The following LHFPL2 variants were observed in gnomAD, a reference collection of about 807,000 sequenced individuals.
LHFPL2 encodes LHFPL tetraspan subfamily member 2 protein.
A neutral mutation model predicts 17.5 loss-of-function variants in LHFPL2; 7 were observed. The observed-to-expected ratio is 0.40, with a 90% CI of 0.23 to 0.75. The LOEUF (loss-of-function observed/expected upper bound fraction) is 0.75, where lower values mean the gene tolerates loss of function less well. Ranked by LOEUF, LHFPL2 falls within the 30% of genes least tolerant of loss-of-function variation. The pLI is 0.37. For synonymous variants in LHFPL2, 134 were observed against 116.2 expected (o/e 1.15, Z -0.99); for missense variants, 241 against 294.8 (o/e 0.82, Z 1.34).
In LHFPL2 at chr5:78,487,087, AATCACAGGATTTACATCTCAC is replaced by A. The variant is rs1464050822; in HGVS notation, c.*1789_*1809del. On this transcript the variant is annotated 3_prime_UTR_variant, in exon 5 of 5. Transcript: ENST00000380345. ...AGATACCCGTTTTTTTCTTCACCAA[AATCACAGGATTTACATCTCAC>A]TCACTTTGAATTTTGGTTCAGGAAT... 1 of 152,116 alleles carries A rather than the reference AATCACAGGATTTACATCTCAC, an allele frequency of 6.6e-6. No individual in the cohort carries two copies. 9.4% of individuals were successfully genotyped at this position (152,116 alleles called of 1,614,324 possible).
At chr5:78,516,913 G>C (rs906042304) in intron 3 of LHFPL2, among the ~76,000 whole-genome samples, 1 of 152,084 alleles carries the variant, frequency 6.6e-6, no homozygotes, top group Non-Finnish European at 1.5e-5. Flanking sequence ...GCAAAATGGG[G>C]CTCCCCATTC....
chr5:78,578,127 G>A (rs1580823488), intron 2 of LHFPL2, among the ~76,000 whole-genome samples: 1 of 152,296 alleles, frequency 6.6e-6, no homozygotes, highest in Non-Finnish European at 1.5e-5. Flanking sequence ...CATTTCTTAG[G>A]AACTTGGACA....
At chr5:78,644,336 CT>C in intron 1 of LHFPL2, 15 of 1,239,590 alleles carry the variant, frequency 1.2e-5, no homozygotes, top group Non-Finnish European at 1.6e-5. Context: ...TGACAACTCA[CT>C]TTTTTGCTGC....
Position 78,489,044 on chromosome 5 carries a change from G to A in LHFPL2, c.540C>T (p.Ser180=), listed in dbSNP as rs1454486043. The change falls in exon 5 of 5, where the codon TCC becomes TCT. Residue 180 remains serine (S), a synonymous_variant. Coordinates refer to ENST00000380345, the MANE Select transcript of LHFPL2 (RefSeq NM_005779.3). ...TGGCGGTATAAAAGGCCCAGCCCAAGGAGCAGTCTCCAGGTTTGTAGGCAG... is the reference window on the plus strand; with the variant it reads ...TGGCGGTATAAAAGGCCCAGCCCAAAGAGCAGTCTCCAGGTTTGTAGGCAG... ...YASAYKPGDC[S]LGWAFYTAIG... is the part of the protein sequence containing the mutation. The A allele has an allele frequency of 1.2e-6, 2 of 1,614,124 alleles. No individual in the cohort carries two copies. Among genetic ancestry groups the A allele is most frequent in the East Asian group, 4.5e-5 (2 of 44,892 alleles).
chr5:78,529,840 A>G (rs1755729170), intron 3 of LHFPL2, among the ~76,000 whole-genome samples: 1 of 152,252 alleles, frequency 6.6e-6, no homozygotes, highest in Non-Finnish European at 1.5e-5. Flanking sequence ...AATCATACCC[A>G]CAAAATGTTT....
chr5:78,609,548 G>T (rs915752431), intron 2 of LHFPL2, among the ~76,000 whole-genome samples: 3 of 151,242 alleles, frequency 2.0e-5, no homozygotes, highest in African/African-American at 7.3e-5. Context: ...TAAAAATGAG[G>T]TGTCTCTAAA....
At chr5:78,630,722 C>G (rs1451816889) in intron 2 of LHFPL2, among the ~76,000 whole-genome samples, 2 of 152,132 alleles carry the variant, frequency 1.3e-5, no homozygotes, top group Non-Finnish European at 2.9e-5. Flanking sequence ...CACACAGAAA[C>G]CAGAAGACAA....
chr5:78,580,757 G>A (rs1743098703), intron 2 of LHFPL2, among the ~76,000 whole-genome samples: 1 of 152,156 alleles, frequency 6.6e-6, no homozygotes, highest in African/African-American at 2.4e-5. Flanking sequence ...TAGCCTTGTA[G>A]TATAGTTTGA....
At chr5:78,523,114 GT>G (rs1755508592) in intron 3 of LHFPL2, among the ~76,000 whole-genome samples, 2 of 62,702 alleles carry the variant, frequency 3.2e-5, no homozygotes, top group Non-Finnish European at 6.6e-5. Flanking sequence ...TGTCTGTGGT[GT>G]GTGTGTGTGT....
intron 3 of LHFPL2, among the ~76,000 whole-genome samples, chr5:78,539,305 A>G (rs1049214125): frequency 3.3e-5 from 5 of 152,224 alleles, no homozygotes; most frequent in Non-Finnish European, 7.3e-5. Flanking sequence ...TGTGAGAAAT[A>G]AATGTCTGTT....
intron 2 of LHFPL2, among the ~76,000 whole-genome samples, chr5:78,595,931 G>A (rs1315057312): frequency 1.3e-5 from 2 of 152,170 alleles, no homozygotes; most frequent in South Asian, 2.1e-4. Flanking sequence ...TGGTAAAGGG[G>A]AGTCCAAGAG....
At chr5:78,489,247 G>A in intron 4 of LHFPL2, 94 bp from the exon 5 acceptor site, 1 of 1,423,816 alleles carries the variant, frequency 7.0e-7, no homozygotes, top group Non-Finnish European at 9.7e-7. Context: ...CTTGCTTTGG[G>A]CAAGGGCATC....
chr5:78,514,600 T>A (rs991376394), intron 3 of LHFPL2, among the ~76,000 whole-genome samples: 5 of 152,148 alleles, frequency 3.3e-5, no homozygotes, highest in African/African-American at 1.2e-4. Context: ...AGAAAGTGTA[T>A]GTGAAGCCAG....
chr5:78,609,862 C>A (rs376296228), intron 2 of LHFPL2, among the ~76,000 whole-genome samples: 1 of 150,310 alleles, frequency 6.7e-6, no homozygotes, highest in African/African-American at 2.4e-5. Context: ...AAAAAAAATT[C>A]TTTTTGTGGA....
intron 2 of LHFPL2, among the ~76,000 whole-genome samples, chr5:78,604,875 C>T (rs946569628): frequency 3.9e-5 from 6 of 152,174 alleles, no homozygotes; most frequent in Admixed American, 2.0e-4. Flanking sequence ...CTCTCTAAAT[C>T]CCTTCTACTT....
At position 78,510,106 on chromosome 5, in the gene LHFPL2, C is replaced by G; in HGVS notation, c.108G>C (p.Gly36=). The G allele has an allele frequency of 1.2e-6, 2 of 1,613,206 alleles. No homozygotes were observed. Among genetic ancestry groups the G allele is most frequent in the Non-Finnish European group, 1.7e-6 (2 of 1,179,560 alleles). Residue 36 remains glycine, a synonymous_variant, in exon 4 of 5, where the codon GGG becomes GGC. Coordinates refer to ENST00000380345, the MANE Select transcript of LHFPL2 (RefSeq NM_005779.3). Reference sequence around the variant, plus strand: ...CCACGCCGCCGCGGCTCCTCGCTTTCCCGATCAGCCAGTCTGCACTCATGA... The same window carrying G: ...CCACGCCGCCGCGGCTCCTCGCTTTGCCGATCAGCCAGTCTGCACTCATGA... ...IAFMSADWLI[G]KARSRGGVEP...
At chr5:78,549,100 C>T (rs1197483712) in intron 3 of LHFPL2, 1 of 152,220 alleles carries the variant, frequency 6.6e-6, no homozygotes, top group Non-Finnish European at 1.5e-5. Context: ...CTCACGATGG[C>T]TTTCAGCTAG....
chr5:78,536,191 C>T (rs959101267), intron 3 of LHFPL2, among the ~76,000 whole-genome samples: 2 of 152,142 alleles, frequency 1.3e-5, no homozygotes, highest in African/African-American at 2.4e-5. Context: ...GGATGCAGAA[C>T]TCATTTCGGG....
chr5:78,509,010 C>T (rs559272311), intron 4 of LHFPL2, among the ~76,000 whole-genome samples: 36 of 152,290 alleles, frequency 2.4e-4, no homozygotes, highest in African/African-American at 7.5e-4. Context: ...CAAACCCATG[C>T]GGGGAAGCCT....
Sources: allele counts gnomAD v4.1 joint callset (sites outside exome capture counted in the v4.1 genomes callset), GRCh38; gene constraint gnomAD v4.1.1; transcripts MANE v1.5; gene names NCBI Gene and HGNC (gene_info 2026-07-23, HGNC 2026-07-21).